KCNQ5: variants seen among roughly 807,000 people sequenced by gnomAD.
KCNQ5 encodes potassium voltage-gated channel subfamily Q member 5.
Under a neutral mutation model 98.2 loss-of-function variants are expected in KCNQ5, and 30 were observed. That is an observed-to-expected ratio of 0.31 (90% CI 0.23 to 0.41). KCNQ5 has a LOEUF of 0.41. Among genes scored for constraint, KCNQ5 ranks in the 10% least tolerant of loss-of-function variants. KCNQ5 has a pLI of 1.00. For synonymous variants in KCNQ5, 458 were observed against 449.4 expected (o/e 1.02, Z -0.24); for missense variants, 835 against 1,182.5 (o/e 0.71, Z 4.31).
intron 11 of KCNQ5, among the ~76,000 whole-genome samples, chr6:73,182,567 G>A (rs1028114266): frequency 2.0e-5 from 3 of 152,134 alleles, no homozygotes; most frequent in Non-Finnish European, 2.9e-5. Flanking sequence ...TATATGAAAT[G>A]CAAGTCTTAG....
At position 72,788,543 on chromosome 6, in the gene KCNQ5, T is replaced by C. The variant is rs138567246; in HGVS notation, c.398+165956T>C. On this transcript the variant is annotated intron_variant, in intron 1 of 13. Coordinates refer to ENST00000370398, the MANE Select transcript of KCNQ5 (RefSeq NM_019842.4). ...CTGAATTGTTTATAGTTAAAAATAG[T>C]TTGCTGTCTTATTTATTATACTATA... Among the ~76,000 whole-genome samples the C allele has an allele frequency of 3.9e-4, 59 of 152,368 alleles. No homozygotes were observed. The East Asian group carries it at 0.011, about 28-fold the overall frequency.
chr6:73,120,868 A>G (rs1582395312), intron 8 of KCNQ5, among the ~76,000 whole-genome samples: 1 of 152,306 alleles, frequency 6.6e-6, no homozygotes, highest in South Asian at 2.1e-4. Context: ...CGTAAAGCCC[A>G]CCAGCATCCT....
chr6:72,627,731 C>T (rs2098918707), intron 1 of KCNQ5, among the ~76,000 whole-genome samples: 1 of 152,212 alleles, frequency 6.6e-6, no homozygotes, highest in Non-Finnish European at 1.5e-5. Context: ...CTACTCCCCT[C>T]TAATATGCAC....
intron 1 of KCNQ5, among the ~76,000 whole-genome samples, chr6:72,998,499 G>T (rs927871247): frequency 6.6e-6 from 1 of 152,086 alleles, no homozygotes; most frequent in East Asian, 1.9e-4. Flanking sequence ...ACTTTGGGAG[G>T]CCGATGCGGG....
chr6:72,836,457 TG>T (rs1255082999), intron 1 of KCNQ5, among the ~76,000 whole-genome samples: 13 of 152,224 alleles, frequency 8.5e-5, no homozygotes, highest in African/African-American at 3.1e-4. Flanking sequence ...TATATATATT[TG>T]AGACAGGGTC....
intron 1 of KCNQ5, among the ~76,000 whole-genome samples, chr6:72,861,973 G>C (rs1777782525): frequency 6.6e-6 from 1 of 152,088 alleles, no homozygotes. Flanking sequence ...CCCTCTGCCA[G>C]TTTTCTCAGC....
chr6:72,890,207 A>G (rs969182109), intron 1 of KCNQ5, among the ~76,000 whole-genome samples: 8 of 138,992 alleles, frequency 5.8e-5, no homozygotes, highest in Non-Finnish European at 1.2e-4. Context: ...TTGTGATACC[A>G]TCACCATAAT....
intron 1 of KCNQ5, among the ~76,000 whole-genome samples, chr6:72,840,577 C>G (rs1047045772): frequency 7.2e-5 from 11 of 152,116 alleles, no homozygotes; most frequent in African/African-American, 2.4e-4. Flanking sequence ...TATTGACTCC[C>G]CTTCAAAATC....
At chr6:72,731,635 A>G (rs1770558176) in intron 1 of KCNQ5, among the ~76,000 whole-genome samples, 1 of 152,194 alleles carries the variant, frequency 6.6e-6, no homozygotes, top group South Asian at 2.1e-4. Flanking sequence ...GACAAAGAAA[A>G]GAGGAGTTAG....
chr6:72,986,793 A>C (rs1461550087), intron 1 of KCNQ5: 2 of 1,425,502 alleles, frequency 1.4e-6, no homozygotes, highest in South Asian at 1.1e-5. Flanking sequence ...AGAGTTGGCA[A>C]GAAGCTCAAA....
chr6:73,175,804 G>A (rs749466829), intron 11 of KCNQ5, among the ~76,000 whole-genome samples: 2 of 152,196 alleles, frequency 1.3e-5, no homozygotes, highest in Non-Finnish European at 2.9e-5. Context: ...ATGCAGAGCA[G>A]CATATTACTA....
intron 1 of KCNQ5, among the ~76,000 whole-genome samples, chr6:72,852,494 T>C (rs1296561830): frequency 6.7e-6 from 1 of 150,116 alleles, no homozygotes; most frequent in African/African-American, 2.5e-5. Flanking sequence ...TTATGTTAAG[T>C]GAAATAAGCC....
intron 2 of KCNQ5, among the ~76,000 whole-genome samples, chr6:73,004,324 T>C (rs951189321): frequency 6.6e-6 from 1 of 152,244 alleles, no homozygotes; most frequent in Non-Finnish European, 1.5e-5. Flanking sequence ...TCAGTATCTA[T>C]GAGGCCTCTC....
intron 1 of KCNQ5, among the ~76,000 whole-genome samples, chr6:72,920,789 G>A (rs1332510191): frequency 1.3e-5 from 2 of 152,118 alleles, no homozygotes; most frequent in Non-Finnish European, 2.9e-5. Flanking sequence ...ACTAAAATGT[G>A]GATGGATCAA....
chr6:72,728,048 T>C (rs1211114487), intron 1 of KCNQ5, among the ~76,000 whole-genome samples: 1 of 152,152 alleles, frequency 6.6e-6, no homozygotes, highest in Non-Finnish European at 1.5e-5. Flanking sequence ...GCTAACATAC[T>C]ACTTGTCAGC....
At chr6:73,101,839 A>C (rs1001149256) in intron 5 of KCNQ5, among the ~76,000 whole-genome samples, 1 of 152,182 alleles carries the variant, frequency 6.6e-6, no homozygotes, top group Non-Finnish European at 1.5e-5. Flanking sequence ...CAATCTACAA[A>C]TTCAGAGCAA....
rs909431797 is a variant in KCNQ5 at position 73,060,767 on chromosome 6, C to A, written c.617-16555C>A. On this transcript the variant is annotated intron_variant, in intron 3 of 13. Transcript: ENST00000370398. ...CACAGAATAAGAAATACATATATAC[C>A]TCTTAAACATACCCAGTCTCACTCA... Among the ~76,000 whole-genome samples the A allele has an allele frequency of 2.6e-5, 4 of 152,086 alleles. No homozygotes were observed. The East Asian group carries it at 5.8e-4, about 22-fold the overall frequency.
intron 1 of KCNQ5, among the ~76,000 whole-genome samples, chr6:72,648,647 A>G (rs1026098864): frequency 6.6e-6 from 1 of 151,848 alleles, no homozygotes; most frequent in Admixed American, 6.6e-5. Flanking sequence ...ATGGAGGGGG[A>G]AAAAGAGAGG....
chr6:72,709,931 TAAAC>T (rs1036755946), intron 1 of KCNQ5, among the ~76,000 whole-genome samples: 7 of 152,112 alleles, frequency 4.6e-5, no homozygotes, highest in Non-Finnish European at 1.0e-4. Flanking sequence ...AGTAAGCAAA[TAAAC>T]AAATAAGTAA....
Sources: allele counts gnomAD v4.1 joint callset (sites outside exome capture counted in the v4.1 genomes callset), GRCh38; gene constraint gnomAD v4.1.1; transcripts MANE v1.5; gene names NCBI Gene and HGNC (gene_info 2026-07-23, HGNC 2026-07-21).